CDH13: variants seen among roughly 807,000 people sequenced by gnomAD.
The protein encoded by CDH13 is cadherin 13, also known as cadherin-13.
A neutral mutation model predicts 63.8 loss-of-function variants in CDH13; 24 were observed. The observed-to-expected ratio is 0.38, with a 90% confidence interval of 0.27 to 0.53. CDH13 has a LOEUF of 0.53. Ranked by LOEUF, CDH13 falls within the 20% of genes least tolerant of loss-of-function variation. CDH13 has a pLI of 0.85. For missense variants in CDH13, 1,049 were observed against 903.1 expected (o/e 1.16, Z -2.07); for synonymous variants, 503 against 355.3 (o/e 1.42, Z -4.67).
intron 11 of CDH13, among the ~76,000 whole-genome samples, chr16:83,759,040 C>T (rs554033303): frequency 6.6e-6 from 1 of 152,160 alleles, no homozygotes; most frequent in African/African-American, 2.4e-5. Context: ...GAAATTGATA[C>T]ACTGATTATA....
chr16:82,943,665 A>G (rs1311890910), intron 2 of CDH13, among the ~76,000 whole-genome samples: 1 of 152,206 alleles, frequency 6.6e-6, no homozygotes, highest in Non-Finnish European at 1.5e-5. Context: ...AGCACTTATT[A>G]TGTCCAAGAC....
chr16:83,274,728 G>T, intron 5 of CDH13, among the ~76,000 whole-genome samples: 1 of 152,104 alleles, frequency 6.6e-6, no homozygotes, highest in East Asian at 1.9e-4. Flanking sequence ...CTGGTGGCAG[G>T]GGGGGTGTTT....
At chr16:82,867,676 A>G (rs1040566819) in intron 2 of CDH13, among the ~76,000 whole-genome samples, 1 of 152,226 alleles carries the variant, frequency 6.6e-6, no homozygotes, top group African/African-American at 2.4e-5. Context: ...TAAATCAAGC[A>G]AGGAACTTGA....
intron 10 of CDH13, among the ~76,000 whole-genome samples, chr16:83,719,799 A>G (rs1038186383): frequency 1.3e-5 from 2 of 152,024 alleles, no homozygotes; most frequent in African/African-American, 4.8e-5. Flanking sequence ...TCTCCATCAC[A>G]CACAGCCACT....
chr16:82,848,728 T>C (rs555041968), intron 1 of CDH13, among the ~76,000 whole-genome samples: 59 of 152,300 alleles, frequency 3.9e-4, no homozygotes, highest in African/African-American at 1.4e-3. Flanking sequence ...CACAGCAATA[T>C]TGAAGTTAGG....
intron 5 of CDH13, among the ~76,000 whole-genome samples, chr16:83,313,889 C>G (rs1597725460): frequency 6.6e-6 from 1 of 152,136 alleles, no homozygotes; most frequent in African/African-American, 2.4e-5. Flanking sequence ...ACTTACTACC[C>G]ATATTACATT....
intron 9 of CDH13, among the ~76,000 whole-genome samples, chr16:83,671,964 C>G (rs1350425521): frequency 6.6e-6 from 1 of 152,184 alleles, no homozygotes; most frequent in African/African-American, 2.4e-5. Flanking sequence ...GGGAGAGTTT[C>G]TGCCAGAGAC....
At chr16:83,334,109 C>T (rs116696028) in intron 5 of CDH13, among the ~76,000 whole-genome samples, 2,392 of 152,168 alleles carry the variant, frequency 0.016, 61 homozygotes, top group African/African-American at 0.051. Context: ...CTTTCTCCAT[C>T]CTCAAAGCCA....
In CDH13 at chr16:83,447,096, C is replaced by CTTTTTTTTT. The variant is rs750432481; in HGVS notation, c.782-39359_782-39351dup. Among the ~76,000 whole-genome samples, 97 of 41,500 alleles carry CTTTTTTTTT rather than the reference C, an allele frequency of 2.3e-3. 10 individuals carry two copies. Among genetic ancestry groups the CTTTTTTTTT allele is most frequent in the African/African-American group, 3.0e-3 (35 of 11,742 alleles). The allele number at this position is 41,500 out of a possible 152,430, so 27.2% of individuals were successfully genotyped here. On this transcript the variant is annotated intron_variant, in intron 6 of 13. Coordinates refer to ENST00000567109, the MANE Select transcript of CDH13 (RefSeq NM_001257.5). ...AAAACAAAAAACACCTTATAGTAAC[C>CTTTTTTTTT]TTTTTTTTTTTTTTTTTTTTTTTTT...
At chr16:82,815,047 T>C (rs1176327407) in intron 1 of CDH13, among the ~76,000 whole-genome samples, 1 of 152,176 alleles carries the variant, frequency 6.6e-6, no homozygotes. Context: ...CCAGAGAGCT[T>C]ATTTAATAAA....
intron 7 of CDH13, among the ~76,000 whole-genome samples, chr16:83,555,635 T>C (rs1003496574): frequency 2.0e-5 from 3 of 152,196 alleles, no homozygotes; most frequent in Non-Finnish European, 4.4e-5. Flanking sequence ...GAAAACCAAT[T>C]GATAAGCCCA....
chr16:83,216,236 T>A (rs2039504103), intron 4 of CDH13, among the ~76,000 whole-genome samples: 1 of 151,156 alleles, frequency 6.6e-6, no homozygotes, highest in Non-Finnish European at 1.5e-5. Flanking sequence ...ACGACAGTGT[T>A]GTATGTTGTA....
At chr16:83,415,847 A>T (rs1335522371) in intron 6 of CDH13, among the ~76,000 whole-genome samples, 1 of 152,206 alleles carries the variant, frequency 6.6e-6, no homozygotes, top group African/African-American at 2.4e-5. Context: ...CAGAAACAAG[A>T]TAGGGATACT....
chr16:83,073,125 T>G (rs1051702800), intron 3 of CDH13, among the ~76,000 whole-genome samples: 2 of 152,048 alleles, frequency 1.3e-5, no homozygotes, highest in Admixed American at 1.3e-4. Flanking sequence ...ATTTTACAGG[T>G]AAGGAAGCAC....
intron 6 of CDH13, among the ~76,000 whole-genome samples, chr16:83,479,592 G>T (rs2073705020): frequency 1.3e-5 from 2 of 152,096 alleles, no homozygotes; most frequent in Admixed American, 6.5e-5. Flanking sequence ...GGGAGGCGGA[G>T]CTTGCAGTGA....
chr16:83,222,861 G>A lies in CDH13; in HGVS notation c.636+5364G>A, dbSNP rs368323061. ...ATACCCACATATGAAACTATTCTAG[G>A]GCAAGGTTTTTCAACAGTGGCACTA... On this transcript the variant is annotated intron_variant, in intron 5 of 13. Coordinates refer to ENST00000567109, the MANE Select transcript of CDH13 (RefSeq NM_001257.5). Among the ~76,000 whole-genome samples, 506 of 152,126 alleles carry A rather than the reference G, an allele frequency of 3.3e-3. 1 individual carries two copies. Among genetic ancestry groups the A allele is most frequent in the South Asian group, 6.0e-3 (29 of 4,808 alleles).
intron 6 of CDH13, among the ~76,000 whole-genome samples, chr16:83,447,628 C>G (rs2072750123): frequency 6.6e-6 from 1 of 151,870 alleles, no homozygotes; most frequent in African/African-American, 2.4e-5. Context: ...CGTGTGAAAA[C>G]AGGTCAAGAG....
At chr16:83,317,908 T>G (rs189937076) in intron 5 of CDH13, among the ~76,000 whole-genome samples, 1 of 152,232 alleles carries the variant, frequency 6.6e-6, no homozygotes, top group East Asian at 1.9e-4. Flanking sequence ...TCACCCAGCT[T>G]TTAAGCAACA....
intron 4 of CDH13, among the ~76,000 whole-genome samples, chr16:83,179,148 C>T (rs1359791625): frequency 6.6e-6 from 1 of 152,174 alleles, no homozygotes; most frequent in Non-Finnish European, 1.5e-5. Flanking sequence ...CCTTGGAAAA[C>T]TGCCTTAGTA....
Sources: gnomAD v4.1 joint callset for allele counts (sites outside exome capture counted in the v4.1 genomes callset) on GRCh38, gnomAD v4.1.1 for gene constraint, MANE v1.5 for transcripts, NCBI Gene and HGNC (gene_info 2026-07-23, HGNC 2026-07-21) for gene names.